Variants in RNF19A observed in about 807,000 individuals in gnomAD.
The protein encoded by RNF19A is E3 ubiquitin-protein ligase RNF19A.
In RNF19A, 32 loss-of-function variants were observed where a neutral mutation model predicts 75.7. That is an observed-to-expected ratio of 0.42 (90% CI 0.32 to 0.57). The LOEUF (loss-of-function observed/expected upper bound fraction) is 0.57. Among genes scored for constraint, RNF19A ranks in the 20% least tolerant of loss-of-function variants. The probability of loss-of-function intolerance (pLI) is 0.10; values close to 1 mark genes in which losing one functional copy is unlikely to be tolerated. For synonymous variants in RNF19A, 335 were observed against 345.2 expected, an observed-to-expected ratio of 0.97 and a Z score of 0.33; for missense variants, 782 against 1,036.3, an observed-to-expected ratio of 0.75 and a Z score of 3.37.
At chr8:100,307,149 T>C (rs1272086620) in intron 1 of RNF19A, among the ~76,000 whole-genome samples, 1 of 152,200 alleles carries the variant, frequency 6.6e-6, no homozygotes, top group Non-Finnish European at 1.5e-5. Flanking sequence ...ATAAGCTTAT[T>C]AGTTCAGTAC....
chr8:100,268,012 T>G (rs1820068065), intron 5 of RNF19A, among the ~76,000 whole-genome samples: 1 of 151,998 alleles, frequency 6.6e-6, no homozygotes, highest in African/African-American at 2.4e-5. Flanking sequence ...CTATCCTTTG[T>G]TCTGCTTGGG....
chr8:100,287,456 A>C lies in RNF19A; in HGVS notation c.674+45T>G. 6.5e-7 allele frequency: 1 copy of C among 1,528,890 alleles called. No homozygotes were observed. The highest frequency in any genetic ancestry group is 8.8e-7 in the Non-Finnish European group (1 of 1,140,836). 94.7% of individuals were successfully genotyped at this position (1,528,890 alleles called of 1,614,324 possible). On this transcript the variant is annotated intron_variant, in intron 2 of 9. Transcript: ENST00000341084. The surrounding 1 kb of genome is among the most constrained non-coding windows in gnomAD (Gnocchi z 4.1). ...AGTAATAGCAAATTATTTTATCCAC[A>C]GAGAAAAAAATTAACTCAAGAAAAA...
rs776310282 is a variant in RNF19A, at chr8:100,258,942, G to C, written c.2131C>G (p.Pro711Ala). Residue 711 changes from proline to alanine, a missense_variant, in exon 10 of 10, where the codon CCA (proline) becomes GCA (alanine). Physicochemically the swap from Pro to Ala is conservative, Grantham distance 27 (BLOSUM62 -1). This residue lies in a region of RNF19A where 442 missense variants were observed against 541.6 expected (regional missense o/e 0.82). Transcript: ENST00000341084. This position sits in a 1 kb window ranked among gnomAD's most constrained non-coding sequence, Gnocchi z 4.3. ...QSTNSSEFEA[P>A]SLSDSMPSVA... ...GAAGGCATACTGTCACTGAGGGATG[G>C]AGCCTCAAATTCACTTGAGTTCGTG... The C allele has an allele frequency of 6.8e-6, 11 of 1,614,062 alleles. No homozygotes were observed. The East Asian group carries it at 1.3e-4, about 20-fold the overall frequency.
At position 100,261,901 on chromosome 8, in the gene RNF19A, T is replaced by A; in HGVS notation, c.1469-146A>T. 2 of 801,402 alleles carry A rather than the reference T, an allele frequency of 2.5e-6. No individual in the cohort carries two copies. Among genetic ancestry groups the A allele is most frequent in the Non-Finnish European group, 4.0e-6 (2 of 503,674 alleles). The allele number at this position is 801,402 out of a possible 1,614,324, so 49.6% of individuals were successfully genotyped here. On this transcript the variant is annotated intron_variant, in intron 7 of 9. Coordinates refer to ENST00000341084, the MANE Select transcript of RNF19A (RefSeq NM_183419.4). The surrounding 1 kb of genome is among the most constrained non-coding windows in gnomAD (Gnocchi z 4.4). ...AAATATTTTTTTCAGGCTAGTCCAC[T>A]AGAAGCAGTGGGAATAGAGCCAACA...
intron 1 of RNF19A, among the ~76,000 whole-genome samples, chr8:100,295,342 T>C (rs1260051634): frequency 1.3e-5 from 2 of 152,240 alleles, no homozygotes; most frequent in Non-Finnish European, 2.9e-5. Flanking sequence ...GTAGTTACAA[T>C]GGTTTTCTAA....
At chr8:100,298,903 G>A (rs1462979917) in intron 1 of RNF19A, among the ~76,000 whole-genome samples, 4 of 152,162 alleles carry the variant, frequency 2.6e-5, no homozygotes, top group Admixed American at 2.6e-4. Flanking sequence ...GAAAACCACA[G>A]GGAAAGCAGA....
At position 100,288,112 on chromosome 8, in the gene RNF19A, G is replaced by T. The variant is rs779224139; in HGVS notation, c.63C>A (p.Asp21Glu). Reference protein sequence around the residue: ...KYNEGLCVNTDPVSILTSILD... With the variant: ...KYNEGLCVNTEPVSILTSILD... ...AAATGCTTGTTAGAATTGAGACAGG[G>T]TCAGTGTTTACACACAGCCCTTCAT... The change falls in exon 2 of 10, where the codon GAC (aspartate) becomes GAA (glutamate). Residue 21 changes from aspartate (D) to glutamate (E), a missense_variant. By Grantham distance (45) the Asp-to-Glu change is conservative. Coordinates refer to ENST00000341084, the MANE Select transcript of RNF19A (RefSeq NM_183419.4). 5.6e-6 allele frequency: 9 copies of T among 1,613,958 alleles called. No individual in the cohort carries two copies. The Admixed American group carries it at 1.3e-4, about 24-fold the overall frequency.
intron 1 of RNF19A, among the ~76,000 whole-genome samples, chr8:100,307,994 T>C (rs1047424193): frequency 3.9e-5 from 6 of 152,320 alleles, no homozygotes; most frequent in Non-Finnish European, 7.4e-5. Context: ...GACAGTTCTT[T>C]ATATTAAGTC....
rs537578498 is a variant in RNF19A at position 100,317,159 on chromosome 8, C to T, written c.-242-3787G>A. On this transcript the variant is annotated intron_variant, in intron 1 of 3. Coordinates refer to the RNF19A transcript ENST00000519527. This position sits in a 1 kb window ranked among gnomAD's most constrained non-coding sequence, Gnocchi z 4.3. The stretch of plus-strand genomic sequence containing the variant: ...GCAGCCCAGCCCGGGTTCCCGCTCG[C>T]GCCTCTCCCTCCGCACCTCCCTGCA... Among the ~76,000 whole-genome samples, 14 of 152,342 alleles carry T rather than the reference C, an allele frequency of 9.2e-5. No individual in the cohort carries two copies. Among genetic ancestry groups the T allele is most frequent in the African/African-American group, 2.6e-4 (11 of 41,582 alleles).
intron 1 of RNF19A, among the ~76,000 whole-genome samples, chr8:100,299,326 T>C (rs1009868492): frequency 1.9e-4 from 29 of 152,214 alleles, no homozygotes; most frequent in African/African-American, 7.0e-4. Flanking sequence ...GATAAACAAA[T>C]AATTGTTGTT....
At chr8:100,308,615 A>G (rs955176795) in intron 1 of RNF19A, among the ~76,000 whole-genome samples, 1 of 152,218 alleles carries the variant, frequency 6.6e-6, no homozygotes, top group Admixed American at 6.5e-5. Flanking sequence ...TCAGACTTCA[A>G]ACAACCAAAA....
At chr8:100,319,722 G>A (rs1266276447) in intron 1 of RNF19A, among the ~76,000 whole-genome samples, 1 of 151,346 alleles carries the variant, frequency 6.6e-6, no homozygotes, top group Non-Finnish European at 1.5e-5. Flanking sequence ...TAGAGATGAG[G>A]TTTCACCATG....
intron 2 of RNF19A, among the ~76,000 whole-genome samples, chr8:100,278,627 GTATT>G (rs1177103626): frequency 6.6e-6 from 1 of 152,110 alleles, no homozygotes; most frequent in South Asian, 2.1e-4. Context: ...AAGCAAATAA[GTATT>G]TATAAAAATA....
Position 100,301,522 on chromosome 8 carries a change from T to C in RNF19A, c.-94+8345A>G, listed in dbSNP as rs145364336. ...CCCCACACTTTAGCCAACTGACCTA[T>C]TTGTTAAATATCTTAACAAAACATA... On this transcript the variant is annotated intron_variant, in intron 1 of 9. Coordinates refer to ENST00000341084, the MANE Select transcript of RNF19A (RefSeq NM_183419.4). 3.4e-4 allele frequency among the ~76,000 whole-genome samples: 52 copies of C among 152,334 alleles called. 1 individual carries two copies. The highest frequency in any genetic ancestry group is 3.4e-3 in the Middle Eastern group (1 of 294).
chr8:100,309,602 G>C (rs1822215643), intron 1 of RNF19A: 3 of 956,958 alleles, frequency 3.1e-6, no homozygotes, highest in South Asian at 9.6e-5. Context: ...GCTCCACCTC[G>C]GCCCCCGCGG....
chr8:100,302,235 T>C (rs1821868980), intron 1 of RNF19A, among the ~76,000 whole-genome samples: 1 of 152,214 alleles, frequency 6.6e-6, no homozygotes, highest in South Asian at 2.1e-4. Flanking sequence ...GTATTAAGGA[T>C]GGTAGCACAG....
intron 1 of RNF19A, among the ~76,000 whole-genome samples, chr8:100,321,529 A>G (rs536525336): frequency 6.6e-6 from 1 of 152,300 alleles, no homozygotes; most frequent in African/African-American, 2.4e-5. Flanking sequence ...GTCATGCATG[A>G]GAGTTGGAGT....
rs1822632170 is a variant in RNF19A, at chr8:100,333,160, G to T, written c.-243+2948C>A. On this transcript the variant is annotated intron_variant, in intron 1 of 3. Coordinates refer to the RNF19A transcript ENST00000519527. The surrounding 1 kb of genome is among the most constrained non-coding windows in gnomAD (Gnocchi z 4.7). ...GGGAGTGGGTTTGTCACAAAAGTGT[G>T]TTTGGTCCTGTCTTGCTCTTCCTCT... Among the ~76,000 whole-genome samples, 1 of 152,136 alleles carries T rather than the reference G, an allele frequency of 6.6e-6. No homozygotes were observed. The highest frequency in any genetic ancestry group is 2.4e-5 in the African/African-American group (1 of 41,428).
Position 100,331,698 on chromosome 8 carries a change from A to G in RNF19A, c.-243+4410T>C, listed in dbSNP as rs1238353935. Among the ~76,000 whole-genome samples the G allele has an allele frequency of 6.6e-6, 1 of 152,142 alleles. No individual in the cohort carries two copies. Among genetic ancestry groups the G allele is most frequent in the Non-Finnish European group, 1.5e-5 (1 of 68,024 alleles). ...TGAAAGGAATAAAAGGGTAGAGTGA[A>G]AGTCTCTTTTTAAATTCTATTCTTT... On this transcript the variant is annotated intron_variant, in intron 1 of 3. Coordinates refer to the RNF19A transcript ENST00000519527. This position sits in a 1 kb window ranked among gnomAD's most constrained non-coding sequence, Gnocchi z 5.2.
Sources: allele counts gnomAD v4.1 joint callset (sites outside exome capture counted in the v4.1 genomes callset), GRCh38; gene constraint gnomAD v4.1.1; regional missense constraint gnomAD v4.1.1; non-coding constraint Gnocchi (gnomAD v3.1); transcripts MANE v1.5; gene names NCBI Gene and HGNC (gene_info 2026-07-23, HGNC 2026-07-21).